PSD3: variants seen among roughly 807,000 people sequenced by gnomAD.
PSD3 encodes the protein PH and SEC7 domain-containing protein 3.
Under a neutral mutation model 105.5 loss-of-function variants are expected in PSD3, and 49 were observed. The observed-to-expected ratio is 0.46, with a 90% CI of 0.37 to 0.59. The LOEUF (loss-of-function observed/expected upper bound fraction) is 0.59. Among genes scored for constraint, PSD3 ranks in the 20% least tolerant of loss-of-function variants. PSD3 has a pLI of 0.00. For missense variants in PSD3, 1,561 were observed against 1,263.8 expected, an observed-to-expected ratio of 1.24 and a Z score of -3.57; for synonymous variants, 557 against 457.8, an observed-to-expected ratio of 1.22 and a Z score of -2.77.
intron 1 of PSD3, among the ~76,000 whole-genome samples, chr8:19,030,970 A>T (rs139959103): frequency 6.6e-6 from 1 of 152,330 alleles, no homozygotes; most frequent in Non-Finnish European, 1.5e-5. Context: ...TGTGTTTCTC[A>T]AACCATCTCA....
intron 11 of PSD3, among the ~76,000 whole-genome samples, chr8:18,610,113 TTC>T (rs1805146675): frequency 6.6e-6 from 1 of 152,238 alleles, no homozygotes; most frequent in Non-Finnish European, 1.5e-5. Flanking sequence ...CTTATAGTCT[TTC>T]TCTTTTATAA....
intron 2 of PSD3, among the ~76,000 whole-genome samples, chr8:18,901,448 C>T (rs941916126): frequency 6.6e-6 from 1 of 152,176 alleles, no homozygotes; most frequent in African/African-American, 2.4e-5. Flanking sequence ...TAGGCGAGAA[C>T]ACACTCTTGT....
chr8:19,019,734 A>C (rs77537870), intron 1 of PSD3, among the ~76,000 whole-genome samples: 14 of 152,158 alleles, frequency 9.2e-5, no homozygotes, highest in African/African-American at 3.1e-4. Flanking sequence ...CAAAAGCTCA[A>C]GATGAAGCTG....
chr8:18,839,639 T>C (rs1194645357), intron 4 of PSD3, among the ~76,000 whole-genome samples: 1 of 152,122 alleles, frequency 6.6e-6, no homozygotes, highest in Non-Finnish European at 1.5e-5. Flanking sequence ...ACACGTTTCC[T>C]CAGAAGGTTT....
rs1478736762 is a variant in PSD3 at position 18,563,448 on chromosome 8, C to A, written c.2785-7096G>T. 2.0e-5 allele frequency among the ~76,000 whole-genome samples: 3 copies of A among 152,034 alleles called. No homozygotes were observed. The East Asian group carries it at 5.8e-4, about 29-fold the overall frequency. On this transcript the variant is annotated intron_variant, in intron 14 of 15. Coordinates refer to ENST00000327040, the MANE Select transcript of PSD3 (RefSeq NM_015310.4). ...TCAGGGTAATCATGTATCTAGGGAT[C>A]CGCAGTGCAACTTAGAAGTCAAATT...
At chr8:18,616,602 G>A (rs543343697) in intron 11 of PSD3, among the ~76,000 whole-genome samples, 1 of 150,296 alleles carries the variant, frequency 6.7e-6, no homozygotes, top group Non-Finnish European at 1.5e-5. Flanking sequence ...TTGCTAGCCA[G>A]GCCTCATCTT....
intron 1 of PSD3, among the ~76,000 whole-genome samples, chr8:18,997,117 G>A (rs546787380): frequency 6.6e-5 from 10 of 151,562 alleles, no homozygotes; most frequent in Admixed American, 3.3e-4. Flanking sequence ...ATTGACATTC[G>A]CTCCCTGTGG....
chr8:18,691,229 T>C (rs17695883), intron 9 of PSD3, among the ~76,000 whole-genome samples: 33,915 of 152,144 alleles, frequency 0.22, 6,909 homozygotes, highest in African/African-American at 0.5. Context: ...TAAACAGTTT[T>C]GAACCTGGAA....
At position 18,865,780 on chromosome 8, in the gene PSD3, G is replaced by A. The variant is rs1024248537; in HGVS notation, c.1634+1894C>T. ...AGACAAGATCTCCTGGTTTGACAAT[G>A]CAGGTGACACAGCTGAAACTTTATC... On this transcript the variant is annotated intron_variant, in intron 4 of 15. Coordinates refer to ENST00000327040, the MANE Select transcript of PSD3 (RefSeq NM_015310.4). Among the ~76,000 whole-genome samples, 8 of 152,260 alleles carry A rather than the reference G, an allele frequency of 5.3e-5. No individual in the cohort carries two copies. The South Asian group carries it at 1.7e-3, about 32-fold the overall frequency.
intron 9 of PSD3, among the ~76,000 whole-genome samples, chr8:18,708,322 T>C (rs997523722): frequency 6.6e-6 from 1 of 152,210 alleles, no homozygotes; most frequent in African/African-American, 2.4e-5. Context: ...AATAAGAGAC[T>C]GTGGTAAAGC....
intron 4 of PSD3, among the ~76,000 whole-genome samples, chr8:18,823,275 C>G (rs969921393): frequency 2.6e-5 from 4 of 152,102 alleles, no homozygotes; most frequent in Non-Finnish European, 5.9e-5. Flanking sequence ...TCTCCTTCAA[C>G]TATAATCAAG....
At chr8:18,912,956 G>A (rs1820333661) in intron 2 of PSD3, among the ~76,000 whole-genome samples, 1 of 151,944 alleles carries the variant, frequency 6.6e-6, no homozygotes, top group African/African-American at 2.4e-5. Flanking sequence ...CCCAGGGGAT[G>A]TAGAGTACAC....
intron 1 of PSD3, among the ~76,000 whole-genome samples, chr8:19,040,945 T>G (rs1472555770): frequency 6.6e-6 from 1 of 152,098 alleles, no homozygotes; most frequent in Non-Finnish European, 1.5e-5. Context: ...CAGGCTGGAG[T>G]GCAGAGACAC....
Position 18,865,264 on chromosome 8 carries a change from ATATATATATATATATATATATAT to A in PSD3, c.1634+2387_1634+2409del, listed in dbSNP as rs1816802285. On this transcript the variant is annotated intron_variant, in intron 4 of 15. Coordinates refer to ENST00000327040, the MANE Select transcript of PSD3 (RefSeq NM_015310.4). ...TATATATATATATATATATATATAT[ATATATATATATATATATATATAT>A]TTTTTTTTTTTTTTTTTTTTTTAAA... 6 of 3,434 alleles carry A rather than the reference ATATATATATATATATATATATAT, an allele frequency of 1.7e-3. 1 individual carries two copies. The highest frequency in any genetic ancestry group is 7.2e-3 in the African/African-American group (6 of 836). The allele number at this position is 3,434 out of a possible 1,614,324, so 0.2% of individuals were successfully genotyped here. A position where few individuals can be genotyped will look rare whatever the true frequency, so the allele number is the denominator to read the frequency against.
At chr8:18,785,150 A>G (rs1222000689) in intron 8 of PSD3, among the ~76,000 whole-genome samples, 1 of 152,164 alleles carries the variant, frequency 6.6e-6, no homozygotes, top group African/African-American at 2.4e-5. Context: ...AAGAACCAGG[A>G]GCAGAGACCA....
At chr8:18,590,184 TATA>T (rs1267643975) in intron 12 of PSD3, among the ~76,000 whole-genome samples, 2 of 152,214 alleles carry the variant, frequency 1.3e-5, no homozygotes, top group Non-Finnish European at 2.9e-5. Context: ...ATGGCATTAT[TATA>T]ATATTTTGAA....
chr8:18,879,550 C>A (rs2129458422), intron 2 of PSD3, among the ~76,000 whole-genome samples: 1 of 152,280 alleles, frequency 6.6e-6, no homozygotes, highest in Middle Eastern at 3.4e-3. Flanking sequence ...CTGGGAGAAA[C>A]TCAGGGACAC....
At chr8:18,781,757 G>C (rs1188654131) in intron 8 of PSD3, among the ~76,000 whole-genome samples, 5 of 152,134 alleles carry the variant, frequency 3.3e-5, no homozygotes, top group Admixed American at 3.3e-4. Flanking sequence ...TCCAAGACTT[G>C]AGAAGTTTTT....
At chr8:18,828,082 CA>C (rs955689043) in intron 4 of PSD3, among the ~76,000 whole-genome samples, 1 of 87,306 alleles carries the variant, frequency 1.1e-5, no homozygotes, top group Admixed American at 1.3e-4. Flanking sequence ...TTTTTTTTTA[CA>C]AAAAAAATGA....
Sources: allele counts gnomAD v4.1 joint callset (sites outside exome capture counted in the v4.1 genomes callset), GRCh38; gene constraint gnomAD v4.1.1; transcripts MANE v1.5; gene names NCBI Gene and HGNC (gene_info 2026-07-23, HGNC 2026-07-21).